Variants in CNTNAP5 observed in about 807,000 individuals in gnomAD.
CNTNAP5 encodes the protein contactin-associated protein-like 5.
CNTNAP5 carries 72 observed loss-of-function variants against 150.2 expected under a neutral mutation model. The ratio of observed to expected loss-of-function variants is 0.48; its 90% confidence interval spans 0.40 to 0.58. The LOEUF is 0.58. Ranked by LOEUF, CNTNAP5 falls within the 20% of genes least tolerant of loss-of-function variation. The pLI is 0.00. For synonymous variants in CNTNAP5, 672 were observed against 619.8 expected, an observed-to-expected ratio of 1.08 and a Z score of -1.25; for missense variants, 1,636 against 1,626.2, an observed-to-expected ratio of 1.01 and a Z score of -0.10.
chr2:124,358,058 T>G (rs1290629977), intron 3 of CNTNAP5, among the ~76,000 whole-genome samples: 1 of 152,218 alleles, frequency 6.6e-6, no homozygotes, highest in South Asian at 2.1e-4. Context: ...TATTTTATTC[T>G]CTTTGAAGCA....
chr2:124,235,015 C>T (rs148543449), intron 2 of CNTNAP5, among the ~76,000 whole-genome samples: 8 of 152,140 alleles, frequency 5.3e-5, no homozygotes, highest in Non-Finnish European at 7.4e-5. Context: ...ATTATTGAGG[C>T]GGTGGTCTCT....
chr2:124,874,602 C>T (rs1469735469), intron 21 of CNTNAP5, among the ~76,000 whole-genome samples: 1 of 151,892 alleles, frequency 6.6e-6, no homozygotes, highest in Non-Finnish European at 1.5e-5. Flanking sequence ...AAAACAAAAA[C>T]TACTATTGTT....
chr2:124,227,444 C>G (rs1558809885), intron 2 of CNTNAP5, among the ~76,000 whole-genome samples: 1 of 152,114 alleles, frequency 6.6e-6, no homozygotes, highest in Non-Finnish European at 1.5e-5. Context: ...TACACACTCA[C>G]AAACACAAAC....
At chr2:124,904,210 A>T (rs183395724) in intron 22 of CNTNAP5, among the ~76,000 whole-genome samples, 1 of 152,000 alleles carries the variant, frequency 6.6e-6, no homozygotes, top group Non-Finnish European at 1.5e-5. Flanking sequence ...GATTCCACAT[A>T]TAAGTTATAT....
At chr2:124,534,164 A>T (rs1695177126) in intron 10 of CNTNAP5, among the ~76,000 whole-genome samples, 1 of 152,084 alleles carries the variant, frequency 6.6e-6, no homozygotes, top group Non-Finnish European at 1.5e-5. Flanking sequence ...TGGAAAAGTG[A>T]GGGAGTTGGA....
At chr2:124,893,753 A>G (rs1409632483) in intron 21 of CNTNAP5, among the ~76,000 whole-genome samples, 1 of 152,100 alleles carries the variant, frequency 6.6e-6, no homozygotes, top group African/African-American at 2.4e-5. Context: ...TTCTTTTTTT[A>G]GGCTGGACTC....
intron 19 of CNTNAP5, among the ~76,000 whole-genome samples, chr2:124,845,066 G>T (rs1683020804): frequency 6.6e-6 from 1 of 151,962 alleles, no homozygotes; most frequent in African/African-American, 2.4e-5. Context: ...AGTTCTCAGG[G>T]GGAATACTTT....
At chr2:124,684,452 C>G (rs1679147814) in intron 13 of CNTNAP5, among the ~76,000 whole-genome samples, 1 of 152,218 alleles carries the variant, frequency 6.6e-6, no homozygotes, top group South Asian at 2.1e-4. Flanking sequence ...AATCCTTACT[C>G]TATACCAAAG....
At chr2:124,454,300 TAAAG>T (rs1206905982) in intron 6 of CNTNAP5, among the ~76,000 whole-genome samples, 2 of 152,076 alleles carry the variant, frequency 1.3e-5, no homozygotes, top group Non-Finnish European at 2.9e-5. Flanking sequence ...TTAAAAGAGA[TAAAG>T]AGAGTCATTA....
chr2:124,381,471 G>C (rs1297294717), intron 3 of CNTNAP5, among the ~76,000 whole-genome samples: 1 of 152,090 alleles, frequency 6.6e-6, no homozygotes, highest in East Asian at 1.9e-4. Flanking sequence ...CATTGGGATA[G>C]AGACAGTGGG....
intron 3 of CNTNAP5, among the ~76,000 whole-genome samples, chr2:124,294,863 C>A (rs1688381485): frequency 1.3e-5 from 2 of 152,054 alleles, no homozygotes; most frequent in Admixed American, 1.3e-4. Context: ...GAGGAGATGG[C>A]TGGGAGCGCC....
chr2:124,414,603 C>G (rs990385203), intron 3 of CNTNAP5, among the ~76,000 whole-genome samples: 1 of 152,106 alleles, frequency 6.6e-6, no homozygotes, highest in South Asian at 2.1e-4. Flanking sequence ...TGGAGCACAC[C>G]ATACATTAGT....
intron 1 of CNTNAP5, among the ~76,000 whole-genome samples, chr2:124,189,700 A>G (rs1177744917): frequency 2.0e-5 from 3 of 152,134 alleles, no homozygotes; most frequent in African/African-American, 7.2e-5. Flanking sequence ...TGTTTAATAG[A>G]CTGGACAGAG....
chr2:124,356,305 T>A (rs961873950), intron 3 of CNTNAP5, among the ~76,000 whole-genome samples: 2 of 143,602 alleles, frequency 1.4e-5, no homozygotes, highest in South Asian at 4.4e-4. Context: ...AACCTCAACA[T>A]CTTTTTTTTT....
chr2:124,149,087 A>C (rs558762091), intron 1 of CNTNAP5, among the ~76,000 whole-genome samples: 1 of 152,102 alleles, frequency 6.6e-6, no homozygotes, highest in African/African-American at 2.4e-5. Context: ...ATTCCAGGTT[A>C]ATCACATATG....
intron 3 of CNTNAP5, among the ~76,000 whole-genome samples, chr2:124,278,334 C>T (rs188450030): frequency 6.6e-6 from 1 of 151,966 alleles, no homozygotes; most frequent in African/African-American, 2.4e-5. Context: ...AGTGATAATT[C>T]GATTAAAAAG....
intron 1 of CNTNAP5, among the ~76,000 whole-genome samples, chr2:124,148,859 G>A (rs970572844): frequency 1.3e-5 from 2 of 151,450 alleles, no homozygotes; most frequent in African/African-American, 4.9e-5. Context: ...TCTATAGAGA[G>A]AGAGGTGTAT....
intron 4 of CNTNAP5, among the ~76,000 whole-genome samples, chr2:124,419,994 T>TTTTTTTTTTTTTTTTTC (rs1692058264): frequency 7.6e-6 from 1 of 131,500 alleles, no homozygotes; most frequent in African/African-American, 2.8e-5. Flanking sequence ...CTTTCTTTTT[T>TTTTTTTTTTTTTTTTTC]TTTTTTTTTT....
chr2:124,139,602 T>C (rs1422781315), intron 1 of CNTNAP5, among the ~76,000 whole-genome samples: 1 of 152,182 alleles, frequency 6.6e-6, no homozygotes, highest in Non-Finnish European at 1.5e-5. Context: ...CTGTTTCTCC[T>C]GTGCAGTGGT....
Sources: allele counts gnomAD v4.1 joint callset (sites outside exome capture counted in the v4.1 genomes callset), GRCh38; gene constraint gnomAD v4.1.1; transcripts MANE v1.5; gene names NCBI Gene and HGNC (gene_info 2026-07-23, HGNC 2026-07-21).